AGBL1: variants seen among roughly 807,000 people sequenced by gnomAD.
The protein encoded by AGBL1 is cytosolic carboxypeptidase 4.
A neutral mutation model predicts 118.9 loss-of-function variants in AGBL1; 130 were observed. The observed-to-expected ratio is 1.09, with a 90% CI of 0.95 to 1.26. The LOEUF (loss-of-function observed/expected upper bound fraction) is 1.26. Ranked by LOEUF, AGBL1 falls within the 50% of genes most tolerant of loss-of-function variation. The pLI is 0.00. For synonymous variants in AGBL1, 555 were observed against 478.9 expected, an observed-to-expected ratio of 1.16 and a Z score of -2.08; for missense variants, 1,584 against 1,298.1, an observed-to-expected ratio of 1.22 and a Z score of -3.38.
chr15:86,360,054 T>C (rs1312027700), intron 17 of AGBL1, among the ~76,000 whole-genome samples: 1 of 152,060 alleles, frequency 6.6e-6, no homozygotes, highest in African/African-American at 2.4e-5. Flanking sequence ...TTATTTGCTG[T>C]GGATAGGACT....
intron 17 of AGBL1, chr15:86,305,056 C>T (rs12903704): frequency 0.17 from 25,921 of 152,046 alleles, 3,013 homozygotes; most frequent in Non-Finnish European, 0.25. Flanking sequence ...AAAAACACAA[C>T]CAATGTTTCT....
At chr15:86,136,480 A>G (rs1279207561) in intron 1 of AGBL1, among the ~76,000 whole-genome samples, 1 of 152,194 alleles carries the variant, frequency 6.6e-6, no homozygotes. Flanking sequence ...AGGAGCAGAC[A>G]TATGTGGCAA....
intron 1 of AGBL1, among the ~76,000 whole-genome samples, chr15:86,092,897 T>C (rs1896126603): frequency 6.6e-6 from 1 of 152,158 alleles, no homozygotes; most frequent in Non-Finnish European, 1.5e-5. Flanking sequence ...AGAAGAAACC[T>C]CATTGCCTAA....
chr15:86,272,911 C>A (rs557012818), intron 15 of AGBL1, among the ~76,000 whole-genome samples: 9 of 152,226 alleles, frequency 5.9e-5, no homozygotes, highest in Non-Finnish European at 1.3e-4. Flanking sequence ...ACTCTTAGGG[C>A]CTTTCCTACG....
intron 22 of AGBL1, among the ~76,000 whole-genome samples, chr15:86,800,984 T>A (rs1053738503): frequency 2.0e-5 from 3 of 152,102 alleles, no homozygotes; most frequent in African/African-American, 7.2e-5. Context: ...GGAAACTTTT[T>A]TTTAAAGCAA....
chr15:86,931,457 A>G (rs111293496), intron 23 of AGBL1, among the ~76,000 whole-genome samples: 260 of 152,240 alleles, frequency 1.7e-3, no homozygotes, highest in Middle Eastern at 3.4e-3. Flanking sequence ...TGGCCTTACC[A>G]TGCTGGGCAA....
intron 22 of AGBL1, among the ~76,000 whole-genome samples, chr15:86,810,805 A>G (rs1249507603): frequency 6.6e-6 from 1 of 152,134 alleles, no homozygotes; most frequent in African/African-American, 2.4e-5. Context: ...GGATGACTGC[A>G]TTTCTGGTAT....
chr15:86,999,241 T>C (rs2081410644), intron 24 of AGBL1, among the ~76,000 whole-genome samples: 1 of 151,098 alleles, frequency 6.6e-6, no homozygotes, highest in South Asian at 2.1e-4. Flanking sequence ...TTATTATACT[T>C]TTAAGTTTTA....
chr15:86,779,525 C>G (rs2078302085), intron 22 of AGBL1, among the ~76,000 whole-genome samples: 1 of 152,070 alleles, frequency 6.6e-6, no homozygotes, highest in South Asian at 2.1e-4. Flanking sequence ...AGTATTGTAC[C>G]TGTCTTTTGA....
At chr15:86,595,232 A>C (rs2084389300) in intron 21 of AGBL1, among the ~76,000 whole-genome samples, 2 of 152,096 alleles carry the variant, frequency 1.3e-5, no homozygotes, top group East Asian at 1.9e-4. Context: ...CTATCTTGTT[A>C]ATTCCAAATT....
intron 22 of AGBL1, among the ~76,000 whole-genome samples, chr15:86,865,034 G>A (rs1461843180): frequency 6.6e-6 from 1 of 152,082 alleles, no homozygotes; most frequent in African/African-American, 2.4e-5. Flanking sequence ...CTGGAGCAGG[G>A]GTCTTGTTGA....
chr15:86,930,043 C>T (rs1020091734), intron 23 of AGBL1, among the ~76,000 whole-genome samples: 4 of 152,154 alleles, frequency 2.6e-5, no homozygotes, highest in East Asian at 1.9e-4. Flanking sequence ...GCTTGCTTGC[C>T]GAAGGAAACA....
chr15:86,448,194 TGAAAG>T (rs2082149429), intron 18 of AGBL1, among the ~76,000 whole-genome samples: 3 of 152,132 alleles, frequency 2.0e-5, no homozygotes. Context: ...AATCAATAAA[TGAAAG>T]GAAGTTAGAG....
At chr15:86,286,250 C>T (rs1002202769) in intron 16 of AGBL1, among the ~76,000 whole-genome samples, 3 of 151,676 alleles carry the variant, frequency 2.0e-5, no homozygotes, top group Non-Finnish European at 2.9e-5. Context: ...TGTTGCAGAT[C>T]GATCAAACCA....
chr15:86,519,864 C>T (rs1387949964), intron 18 of AGBL1, among the ~76,000 whole-genome samples: 1 of 152,200 alleles, frequency 6.6e-6, no homozygotes, highest in Non-Finnish European at 1.5e-5. Context: ...CTCCAAATCT[C>T]TATGTTTAAA....
chr15:86,534,127 A>AG, intron 19 of AGBL1, among the ~76,000 whole-genome samples: 1 of 150,928 alleles, frequency 6.6e-6, no homozygotes, highest in Admixed American at 6.6e-5. Context: ...AAAAAAAAAA[A>AG]AAAAAAAGAT....
chr15:86,788,159 G>T (rs1443187401), intron 22 of AGBL1, among the ~76,000 whole-genome samples: 1 of 152,188 alleles, frequency 6.6e-6, no homozygotes, highest in Non-Finnish European at 1.5e-5. Flanking sequence ...GGCTCTGCAC[G>T]GTGCCCACTG....
chr15:86,814,573 C>G (rs1339929044), intron 22 of AGBL1, among the ~76,000 whole-genome samples: 2 of 152,152 alleles, frequency 1.3e-5, no homozygotes, highest in Non-Finnish European at 2.9e-5. Flanking sequence ...CTCCATATTC[C>G]ATCAGGTAGA....
chr15:86,389,874 G>C (rs1596054723), intron 17 of AGBL1, among the ~76,000 whole-genome samples: 1 of 152,038 alleles, frequency 6.6e-6, no homozygotes, highest in East Asian at 1.9e-4. Flanking sequence ...TTGTACATTA[G>C]GACAAATGGA....
Sources: gnomAD v4.1 joint callset for allele counts (sites outside exome capture counted in the v4.1 genomes callset) on GRCh38, gnomAD v4.1.1 for gene constraint, MANE v1.5 for transcripts, NCBI Gene and HGNC (gene_info 2026-07-23, HGNC 2026-07-21) for gene names.